PTPRN2: variants seen among roughly 807,000 people sequenced by gnomAD.
PTPRN2 encodes receptor-type tyrosine-protein phosphatase N2.
Under a neutral mutation model 118.8 loss-of-function variants are expected in PTPRN2, and 74 were observed. The observed-to-expected ratio is 0.62, with a 90% confidence interval of 0.52 to 0.76. The LOEUF (loss-of-function observed/expected upper bound fraction) is 0.76. PTPRN2 is among the 30% of genes least tolerant of loss of function. The pLI is 0.00. For synonymous variants in PTPRN2, 641 were observed against 608.0 expected, an observed-to-expected ratio of 1.05 and a Z score of -0.80; for missense variants, 1,481 against 1,394.4, an observed-to-expected ratio of 1.06 and a Z score of -0.99.
intron 2 of PTPRN2, among the ~76,000 whole-genome samples, chr7:158,450,455 C>T (rs1440789156): frequency 1.3e-5 from 2 of 152,198 alleles, no homozygotes; most frequent in African/African-American, 2.4e-5. Flanking sequence ...AAAAACGCAT[C>T]GTATAGCAAA....
chr7:157,889,473 CG>C (rs1796670920), intron 12 of PTPRN2, among the ~76,000 whole-genome samples: 1 of 152,244 alleles, frequency 6.6e-6, no homozygotes, highest in South Asian at 2.1e-4. Flanking sequence ...ACCCCATTCA[CG>C]GAGTGCCTCT....
Position 158,022,576 on chromosome 7 carries a change from C to A in PTPRN2, c.1723+58722G>T, listed in dbSNP as rs1288039145. On this transcript the variant is annotated intron_variant, in intron 11 of 22. Transcript: ENST00000389418. This position sits in a 1 kb window ranked among gnomAD's most constrained non-coding sequence, Gnocchi z 4.6. ...AGGCCCCGGCACCCGGGCACTCTGT[C>A]TGGGGCAGCCCGTAATGTGTTCATA... Among the ~76,000 whole-genome samples, 1 of 150,814 alleles carries A rather than the reference C, an allele frequency of 6.6e-6. No homozygotes were observed. Among genetic ancestry groups the A allele is most frequent in the African/African-American group, 2.4e-5 (1 of 41,102 alleles).
intron 11 of PTPRN2, among the ~76,000 whole-genome samples, chr7:157,912,315 G>A (rs949157298): frequency 1.3e-5 from 2 of 152,138 alleles, no homozygotes; most frequent in African/African-American, 4.8e-5. Flanking sequence ...CATCATTCAT[G>A]CTTCCTCTTA....
chr7:157,772,834 C>G (rs1563092811), intron 12 of PTPRN2, among the ~76,000 whole-genome samples: 1 of 152,378 alleles, frequency 6.6e-6, no homozygotes, highest in East Asian at 1.9e-4. Flanking sequence ...CGCCCCAGCT[C>G]CTTTGTGCGA....
chr7:158,138,242 C>T, intron 7 of PTPRN2, 52 bp downstream of exon 7: 1 of 1,555,054 alleles, frequency 6.4e-7, no homozygotes, highest in Non-Finnish European at 8.8e-7. Flanking sequence ...GCCCTGAGGC[C>T]TCCCCTCCCC....
intron 12 of PTPRN2, among the ~76,000 whole-genome samples, chr7:157,883,080 G>A (rs916215817): frequency 1.4e-5 from 2 of 147,968 alleles, no homozygotes; most frequent in Non-Finnish European, 3.0e-5. Flanking sequence ...ACTGTTGTTG[G>A]AGACCAGAAC....
At chr7:157,663,905 T>G (rs1444105323) in intron 13 of PTPRN2, among the ~76,000 whole-genome samples, 6 of 152,244 alleles carry the variant, frequency 3.9e-5, no homozygotes, top group Non-Finnish European at 8.8e-5. Flanking sequence ...GAATAAGAAA[T>G]GTAGAACGCT....
At chr7:158,211,283 C>G (rs1827581458) in intron 3 of PTPRN2, among the ~76,000 whole-genome samples, 1 of 152,152 alleles carries the variant, frequency 6.6e-6, no homozygotes, top group African/African-American at 2.4e-5. Context: ...TTTAGTAATA[C>G]CCCATGAGCA....
intron 3 of PTPRN2, among the ~76,000 whole-genome samples, chr7:158,289,772 C>T (rs1332828943): frequency 6.6e-6 from 1 of 152,148 alleles, no homozygotes; most frequent in Non-Finnish European, 1.5e-5. Flanking sequence ...GATGTCTGCA[C>T]ATTTTGGGAA....
At chr7:157,703,638 A>T (rs1187082205) in intron 12 of PTPRN2, among the ~76,000 whole-genome samples, 2 of 152,208 alleles carry the variant, frequency 1.3e-5, no homozygotes, top group East Asian at 3.9e-4. Flanking sequence ...ACTTCTTCTC[A>T]GCCAGGCAGA....
In PTPRN2 at chr7:157,603,816, A is replaced by G. The variant is rs1389889555; in HGVS notation, c.2418+186T>C. 1.3e-5 allele frequency among the ~76,000 whole-genome samples: 2 copies of G among 152,098 alleles called. No individual in the cohort carries two copies. Among genetic ancestry groups the G allele is most frequent in the East Asian group, 3.9e-4 (2 of 5,176 alleles). On this transcript the variant is annotated intron_variant, in intron 16 of 22. Transcript: ENST00000389418. The surrounding 1 kb of genome is among the most constrained non-coding windows in gnomAD (Gnocchi z 5.4). The stretch of plus-strand genomic sequence containing the variant: ...GTGAGCCGGGACCCACACGGCTCAT[A>G]AACAGCCCCGCTGGTGAAGGAACAG...
chr7:158,101,499 A>G (rs1815226151), intron 10 of PTPRN2, among the ~76,000 whole-genome samples: 1 of 152,242 alleles, frequency 6.6e-6, no homozygotes, highest in Non-Finnish European at 1.5e-5. Context: ...AGCAAATGCA[A>G]CAAAAACAAT....
At chr7:158,014,627 C>T (rs571416541) in intron 11 of PTPRN2, among the ~76,000 whole-genome samples, 254 of 152,060 alleles carry the variant, frequency 1.7e-3, no homozygotes, top group African/African-American at 6.0e-3. Flanking sequence ...TCCATCCACC[C>T]ACCTATCCAT....
At chr7:158,147,492 C>A in intron 6 of PTPRN2, among the ~76,000 whole-genome samples, 1 of 113,760 alleles carries the variant, frequency 8.8e-6, no homozygotes, top group East Asian at 2.4e-4. Context: ...CTCACTGACA[C>A]CCCATCTCAC....
intron 5 of PTPRN2, among the ~76,000 whole-genome samples, chr7:158,173,002 C>A (rs1823853191): frequency 6.7e-6 from 1 of 150,340 alleles, no homozygotes; most frequent in African/African-American, 2.5e-5. Flanking sequence ...AGCATCCCAC[C>A]AATATCATCT....
Position 158,565,478 on chromosome 7 carries a change from G to T in PTPRN2, c.112+22080C>A, listed in dbSNP as rs187421725. ...ACCTCTGCTGAGCACAAAGGTGGAC[G>T]TGTCCCCAAAATAGCAGCTTTGCTC... On this transcript the variant is annotated intron_variant, in intron 1 of 22. Coordinates refer to ENST00000389418, the MANE Select transcript of PTPRN2 (RefSeq NM_002847.5). This position sits in a 1 kb window ranked among gnomAD's most constrained non-coding sequence, Gnocchi z 4.6. Among the ~76,000 whole-genome samples the T allele has an allele frequency of 6.6e-6, 1 of 152,160 alleles. No homozygotes were observed. The highest frequency in any genetic ancestry group is 2.1e-4 in the South Asian group (1 of 4,830).
intron 21 of PTPRN2, among the ~76,000 whole-genome samples, chr7:157,556,551 TCATACATATGTA>T: frequency 6.8e-6 from 1 of 146,338 alleles, no homozygotes; most frequent in Non-Finnish European, 1.5e-5. Flanking sequence ...CACCCTCACG[TCATACATATGTA>T]CATGCACACA....
At position 158,407,220 on chromosome 7, in the gene PTPRN2, GC is replaced by G. The variant is rs1375218511; in HGVS notation, c.163+82514del. Among the ~76,000 whole-genome samples the G allele has an allele frequency of 3.3e-3, 168 of 51,296 alleles. 16 individuals carry two copies. Among genetic ancestry groups the G allele is most frequent in the Middle Eastern group, 7.9e-3 (1 of 126 alleles). The allele number at this position is 51,296 out of a possible 152,430, so 33.7% of individuals were successfully genotyped here. A position where few individuals can be genotyped will look rare whatever the true frequency, so the allele number is the denominator to read the frequency against. On this transcript the variant is annotated intron_variant, in intron 2 of 22. Coordinates refer to ENST00000389418, the MANE Select transcript of PTPRN2 (RefSeq NM_002847.5). ...TCCTGGGTCCTGGGTCCTGCGTCCT[GC>G]GTCCTGGGTCCTGGGTCCTGGGTCC...
chr7:158,509,237 C>A lies in PTPRN2; in HGVS notation c.113-19452G>T, dbSNP rs574164172. ...AGCTCACAGGGTCCTTGCTCAAAGG[C>A]GGCAGCAAATGCACCATCCACTTCC... is the stretch of plus-strand genomic sequence containing the variant. On this transcript the variant is annotated intron_variant, in intron 1 of 22. Coordinates refer to ENST00000389418, the MANE Select transcript of PTPRN2 (RefSeq NM_002847.5). The surrounding 1 kb of genome is among the most constrained non-coding windows in gnomAD (Gnocchi z 4.4). Among the ~76,000 whole-genome samples, 10 of 152,164 alleles carry A rather than the reference C, an allele frequency of 6.6e-5. No individual in the cohort carries two copies. The highest frequency in any genetic ancestry group is 1.0e-4 in the Non-Finnish European group (7 of 68,032).
Sources: allele counts gnomAD v4.1 joint callset (sites outside exome capture counted in the v4.1 genomes callset), GRCh38; gene constraint gnomAD v4.1.1; non-coding constraint Gnocchi (gnomAD v3.1); transcripts MANE v1.5; gene names NCBI Gene and HGNC (gene_info 2026-07-23, HGNC 2026-07-21).